RGS7BP: variants seen among roughly 807,000 people sequenced by gnomAD.
RGS7BP encodes the protein regulator of G protein signaling 7-binding protein.
In RGS7BP, 9 loss-of-function variants were observed where a neutral mutation model predicts 31.3. That is an observed-to-expected ratio of 0.29 (90% CI 0.17 to 0.50). The LOEUF (loss-of-function observed/expected upper bound fraction) is 0.50, where lower values mean the gene tolerates loss of function less well. Among genes scored for constraint, RGS7BP ranks in the 20% least tolerant of loss-of-function variants. RGS7BP has a pLI of 0.98. For synonymous variants in RGS7BP, 115 were observed against 120.1 expected (o/e 0.96, Z 0.28); for missense variants, 274 against 322.0 (o/e 0.85, Z 1.14).
chr5:64,579,543 CAAAAAAAAAAAAAAAAA>C (rs34003776), intron 3 of RGS7BP, among the ~76,000 whole-genome samples: 22 of 53,312 alleles, frequency 4.1e-4, no homozygotes, highest in African/African-American at 1.4e-3. Flanking sequence ...GACTCCATCT[CAAAAAAAAAAAAAAAAA>C]AAAAAAAAGG....
intron 2 of RGS7BP, among the ~76,000 whole-genome samples, chr5:64,557,522 C>T (rs1202863661): frequency 2.6e-5 from 4 of 152,260 alleles, no homozygotes; most frequent in African/African-American, 7.2e-5. Context: ...CAGGTCCCAG[C>T]GGAGGCTGCA....
At chr5:64,588,518 C>T (rs888699023) in intron 3 of RGS7BP, among the ~76,000 whole-genome samples, 1 of 152,162 alleles carries the variant, frequency 6.6e-6, no homozygotes, top group Non-Finnish European at 1.5e-5. Flanking sequence ...CCTTTTGCTC[C>T]TCACTGTGGG....
chr5:64,565,057 A>G (rs1561336476), intron 2 of RGS7BP, among the ~76,000 whole-genome samples: 1 of 152,136 alleles, frequency 6.6e-6, no homozygotes, highest in Non-Finnish European at 1.5e-5. Context: ...GCATCAAACT[A>G]TTATGAGTAA....
At chr5:64,567,377 T>C (rs971958109) in intron 2 of RGS7BP, among the ~76,000 whole-genome samples, 1 of 152,182 alleles carries the variant, frequency 6.6e-6, no homozygotes, top group Non-Finnish European at 1.5e-5. Flanking sequence ...TTGATCAACA[T>C]GTTGTGCTGT....
At chr5:64,583,647 C>T (rs1252383421) in intron 3 of RGS7BP, among the ~76,000 whole-genome samples, 1 of 152,088 alleles carries the variant, frequency 6.6e-6, no homozygotes, top group Non-Finnish European at 1.5e-5. Context: ...AAGGGCTGGT[C>T]AAAGTTCTCT....
At position 64,538,712 on chromosome 5, in the gene RGS7BP, T is replaced by C. The variant is rs536367972; in HGVS notation, c.332+30835T>C. On this transcript the variant is annotated intron_variant, in intron 2 of 5. Coordinates refer to ENST00000334025, the MANE Select transcript of RGS7BP (RefSeq NM_001029875.3). ...GCCGGGATTACAGGCACCCGCACCATGCCCAGCTAATTTTTGCATTGTTAG... is the reference window on the plus strand; with the variant it reads ...GCCGGGATTACAGGCACCCGCACCACGCCCAGCTAATTTTTGCATTGTTAG... Among the ~76,000 whole-genome samples the C allele has an allele frequency of 1.5e-4, 21 of 139,906 alleles. 1 individual carries two copies. The South Asian group carries it at 3.6e-3, about 24-fold the overall frequency. 91.8% of individuals were successfully genotyped at this position (139,906 alleles called of 152,430 possible). A position where few individuals can be genotyped will look rare whatever the true frequency, so the allele number is the denominator to read the frequency against.
chr5:64,545,694 A>C (rs1309634439), intron 2 of RGS7BP, among the ~76,000 whole-genome samples: 1 of 152,210 alleles, frequency 6.6e-6, no homozygotes, highest in Non-Finnish European at 1.5e-5. Context: ...ATCTAAGAAA[A>C]GAAGGCAATA....
chr5:64,569,017 C>T (rs1160032028), intron 2 of RGS7BP, among the ~76,000 whole-genome samples: 1 of 152,070 alleles, frequency 6.6e-6, no homozygotes, highest in Non-Finnish European at 1.5e-5. Flanking sequence ...CCTCTGAGGC[C>T]TGTTGCTTTA....
intron 2 of RGS7BP, among the ~76,000 whole-genome samples, chr5:64,555,929 C>G (rs1741912609): frequency 6.6e-6 from 1 of 152,098 alleles, no homozygotes; most frequent in Non-Finnish European, 1.5e-5. Context: ...TCCTTAGCCA[C>G]ATGAAGCTAG....
At chr5:64,531,431 A>G (rs541373505) in intron 2 of RGS7BP, among the ~76,000 whole-genome samples, 114 of 152,270 alleles carry the variant, frequency 7.5e-4, no homozygotes, top group Non-Finnish European at 1.4e-3. Context: ...AAAATACAAA[A>G]CTTGCACCTG....
At chr5:64,530,914 G>A (rs1336470305) in intron 2 of RGS7BP, among the ~76,000 whole-genome samples, 1 of 152,160 alleles carries the variant, frequency 6.6e-6, no homozygotes, top group East Asian at 1.9e-4. Flanking sequence ...CACAAACCAA[G>A]GAGAATGCAC....
intron 5 of RGS7BP, 98 bp from the exon 6 acceptor site, chr5:64,609,063 A>G: frequency 1.3e-6 from 1 of 795,938 alleles, no homozygotes; most frequent in Non-Finnish European, 2.2e-6. Flanking sequence ...AGGTTGAGAA[A>G]TCCTGATTAG....
chr5:64,570,775 T>C (rs538859169), intron 2 of RGS7BP, among the ~76,000 whole-genome samples: 4 of 152,266 alleles, frequency 2.6e-5, no homozygotes, highest in Non-Finnish European at 4.4e-5. Context: ...ACTCCCTAGA[T>C]TCTACAATTA....
intron 2 of RGS7BP, among the ~76,000 whole-genome samples, chr5:64,541,665 T>G (rs921080875): frequency 5.9e-5 from 9 of 152,264 alleles, no homozygotes; most frequent in Admixed American, 2.0e-4. Context: ...AGAATGTAGT[T>G]GTACTTACAG....
chr5:64,609,896 T>C lies in RGS7BP; in HGVS notation c.*644T>C, dbSNP rs1238144838. On this transcript the variant is annotated 3_prime_UTR_variant, in exon 6 of 6. Coordinates refer to ENST00000334025, the MANE Select transcript of RGS7BP (RefSeq NM_001029875.3). ...ATGAAAAGTACTAAAATTTTGTAAA[T>C]ACACAATAATCCTAATACCTTCGTA... 1.3e-5 allele frequency: 2 copies of C among 152,470 alleles called. No individual in the cohort carries two copies. Among genetic ancestry groups the C allele is most frequent in the African/African-American group, 4.8e-5 (2 of 41,416 alleles). 9.4% of individuals were successfully genotyped at this position (152,470 alleles called of 1,614,324 possible). A position where few individuals can be genotyped will look rare whatever the true frequency, so the allele number is the denominator to read the frequency against.
chr5:64,529,111 G>A (rs1749309199), intron 2 of RGS7BP, among the ~76,000 whole-genome samples: 1 of 151,998 alleles, frequency 6.6e-6, no homozygotes, highest in Non-Finnish European at 1.5e-5. Context: ...TAGTTTGGGA[G>A]GTTATATTTT....
At chr5:64,537,422 TA>T (rs1380132082) in intron 2 of RGS7BP, among the ~76,000 whole-genome samples, 1 of 152,222 alleles carries the variant, frequency 6.6e-6, no homozygotes, top group African/African-American at 2.4e-5. Flanking sequence ...GGTCAATGTA[TA>T]ATTATGTGTC....
At chr5:64,567,329 T>C (rs1742195187) in intron 2 of RGS7BP, among the ~76,000 whole-genome samples, 1 of 152,164 alleles carries the variant, frequency 6.6e-6, no homozygotes, top group African/African-American at 2.4e-5. Context: ...TCGGGTATTC[T>C]ATAACTATAC....
At chr5:64,537,308 G>A (rs1561326709) in intron 2 of RGS7BP, among the ~76,000 whole-genome samples, 1 of 152,150 alleles carries the variant, frequency 6.6e-6, no homozygotes, top group African/African-American at 2.4e-5. Context: ...TTTTAAGAAA[G>A]TTTACAAATT....
Sources: allele counts gnomAD v4.1 joint callset (sites outside exome capture counted in the v4.1 genomes callset), GRCh38; gene constraint gnomAD v4.1.1; transcripts MANE v1.5; gene names NCBI Gene and HGNC (gene_info 2026-07-23, HGNC 2026-07-21).